NOL10: variants seen among roughly 807,000 people sequenced by gnomAD.
NOL10 encodes the protein H_NH0074G24.1.
A neutral mutation model predicts 103.5 loss-of-function variants in NOL10; 58 were observed. The ratio of observed to expected loss-of-function variants is 0.56; its 90% CI spans 0.45 to 0.70. The LOEUF is 0.70. Among genes scored for constraint, NOL10 ranks in the 30% least tolerant of loss-of-function variants. The pLI, the probability that NOL10 is intolerant of heterozygous loss-of-function variation, is 0.00. For synonymous variants in NOL10, 287 were observed against 282.5 expected (o/e 1.02, Z -0.16); for missense variants, 763 against 807.3 (o/e 0.95, Z 0.67).
intron 1 of NOL10, among the ~76,000 whole-genome samples, chr2:10,686,160 G>A (rs934505189): frequency 1.3e-5 from 2 of 152,192 alleles, no homozygotes; most frequent in Non-Finnish European, 2.9e-5. Context: ...CAATTAGAAT[G>A]TCAGATGGTT....
intron 8 of NOL10, among the ~76,000 whole-genome samples, chr2:10,663,366 CAA>C (rs35569218): frequency 2.4e-5 from 3 of 125,484 alleles, no homozygotes; most frequent in Non-Finnish European, 3.4e-5. Context: ...GACTTCGTCT[CAA>C]AAAAAAAAAA....
chr2:10,634,562 G>C (rs1485238959), intron 13 of NOL10: 1 of 456,740 alleles, frequency 2.2e-6, no homozygotes, highest in Non-Finnish European at 4.4e-6. Flanking sequence ...GGGAAGGCTG[G>C]AGAGGGAAAA....
At chr2:10,675,665 G>A (rs553946842) in intron 4 of NOL10, 129 bp downstream of exon 4, 15 of 566,508 alleles carry the variant, frequency 2.6e-5, no homozygotes, top group East Asian at 8.7e-5. Flanking sequence ...TTAAGCCATC[G>A]GGATTGTAGT....
At chr2:10,580,739 G>A (rs931542015) in intron 19 of NOL10, among the ~76,000 whole-genome samples, 8 of 152,138 alleles carry the variant, frequency 5.3e-5, no homozygotes, top group Non-Finnish European at 5.9e-5. Context: ...ACGAACACAC[G>A]CGCACACACA....
At position 10,685,488 on chromosome 2, in the gene NOL10, TCCCCC is replaced by T. The variant is rs56198509; in HGVS notation, c.67-881_67-877del. Among the ~76,000 whole-genome samples, 34 of 8,384 alleles carry T rather than the reference TCCCCC, an allele frequency of 4.1e-3. 1 individual carries two copies. Among genetic ancestry groups the T allele is most frequent in the Admixed American group, 8.9e-3 (7 of 786 alleles). 5.5% of individuals were successfully genotyped at this position (8,384 alleles called of 152,430 possible). A position where few individuals can be genotyped will look rare whatever the true frequency, so the allele number is the denominator to read the frequency against. ...GGCCTGGTGACTGAGAGAGACTCCG[TCCCCC>T]CCCCCCCCCCCCCCGCCAAAAAAAA... On this transcript the variant is annotated intron_variant, in intron 1 of 20. Transcript: ENST00000381685.
chr2:10,623,998 C>G (rs928131144), intron 13 of NOL10, among the ~76,000 whole-genome samples: 17 of 152,130 alleles, frequency 1.1e-4, no homozygotes, highest in Admixed American at 4.6e-4. Context: ...TTGGGGACTT[C>G]CCTTTGCCAT....
intron 1 of NOL10, 79 bp downstream of exon 1, chr2:10,689,717 G>A: frequency 1.4e-6 from 2 of 1,396,574 alleles, no homozygotes; most frequent in African/African-American, 1.4e-5. Context: ...AGAGGCTAGG[G>A]CCGAGGAGAG....
At chr2:10,661,469 T>C (rs1315018426) in intron 9 of NOL10, among the ~76,000 whole-genome samples, 1 of 151,936 alleles carries the variant, frequency 6.6e-6, no homozygotes, top group Non-Finnish European at 1.5e-5. Context: ...CCTCCCGGGT[T>C]CAGGCGATTC....
At chr2:10,655,690 C>G (rs1679800765) in intron 11 of NOL10, among the ~76,000 whole-genome samples, 1 of 152,072 alleles carries the variant, frequency 6.6e-6, no homozygotes, top group Non-Finnish European at 1.5e-5. Context: ...AAAAAAAATG[C>G]CAAAATAAAA....
intron 13 of NOL10, among the ~76,000 whole-genome samples, chr2:10,614,298 G>C (rs1035894589): frequency 1.3e-5 from 2 of 151,916 alleles, no homozygotes; most frequent in Non-Finnish European, 2.9e-5. Flanking sequence ...CCAGAAATCT[G>C]TTACCCTTAC....
intron 1 of NOL10, among the ~76,000 whole-genome samples, chr2:10,685,501 C>CGA (rs1682114592): frequency 6.4e-5 from 1 of 15,586 alleles, no homozygotes; most frequent in African/African-American, 1.9e-4. Context: ...CCCCCCCCCC[C>CGA]CCCCCCGCCA....
chr2:10,619,595 A>G (rs980442909), intron 13 of NOL10, among the ~76,000 whole-genome samples: 3 of 152,216 alleles, frequency 2.0e-5, no homozygotes, highest in Admixed American at 6.5e-5. Flanking sequence ...AAAGCTTTAC[A>G]TATCTGTCTG....
Position 10,672,356 on chromosome 2 carries a change from A to C in NOL10, c.328-666T>G, listed in dbSNP as rs555034055. On this transcript the variant is annotated intron_variant, in intron 5 of 20. Transcript: ENST00000381685. ...AAAATAAAAAACAAAAAATAATAAT[A>C]ATCCCACCATTATCACACAAGTTAT... Among the ~76,000 whole-genome samples, 14 of 152,194 alleles carry C rather than the reference A, an allele frequency of 9.2e-5. No individual in the cohort carries two copies. In the South Asian group the frequency reaches 2.7e-3, roughly 29 times the overall value.
Position 10,683,724 on chromosome 2 carries a change from G to A in NOL10, c.112+843C>T, listed in dbSNP as rs116616021. 3.9e-3 allele frequency among the ~76,000 whole-genome samples: 587 copies of A among 152,252 alleles called. 4 individuals are homozygous for A. Among genetic ancestry groups the A allele is most frequent in the African/African-American group, 0.013 (551 of 41,550 alleles). On this transcript the variant is annotated intron_variant, in intron 2 of 20. Transcript: ENST00000381685. ...CCAAGCTGTGTTGCTCGGCCACAACGCAAATCCACTGTGTGCCAAGCATCC... is the reference window on the plus strand; with the variant it reads ...CCAAGCTGTGTTGCTCGGCCACAACACAAATCCACTGTGTGCCAAGCATCC...
chr2:10,677,744 A>AGCCACCGCACCCAGC (rs1681413915), intron 3 of NOL10, among the ~76,000 whole-genome samples: 2 of 152,092 alleles, frequency 1.3e-5, no homozygotes, highest in African/African-American at 4.8e-5. Context: ...AAGTGCTGGA[A>AGCCACCGCACCCAGC]TTACAGGCGT....
intron 19 of NOL10, among the ~76,000 whole-genome samples, chr2:10,580,538 C>G (rs10182589): frequency 6.6e-6 from 1 of 151,912 alleles, no homozygotes; most frequent in South Asian, 2.1e-4. Flanking sequence ...AAAATAGATA[C>G]AGGCTTTACA....
chr2:10,618,316 T>C (rs1676946762), intron 13 of NOL10, among the ~76,000 whole-genome samples: 1 of 152,162 alleles, frequency 6.6e-6, no homozygotes, highest in South Asian at 2.1e-4. Context: ...CCACCTTCAC[T>C]GACTTTCAGG....
chr2:10,685,245 G>A (rs908570470), intron 1 of NOL10, among the ~76,000 whole-genome samples: 2 of 152,138 alleles, frequency 1.3e-5, no homozygotes, highest in African/African-American at 4.8e-5. Flanking sequence ...ACTTGGCCAG[G>A]CATGGTGGCT....
At chr2:10,613,064 G>A (rs1340286954) in intron 13 of NOL10, among the ~76,000 whole-genome samples, 1 of 150,738 alleles carries the variant, frequency 6.6e-6, no homozygotes, top group Non-Finnish European at 1.5e-5. Flanking sequence ...AGAATCACAT[G>A]GAAAAAGGAC....
Sources: allele counts gnomAD v4.1 joint callset (sites outside exome capture counted in the v4.1 genomes callset), GRCh38; gene constraint gnomAD v4.1.1; transcripts MANE v1.5; gene names NCBI Gene and HGNC (gene_info 2026-07-23, HGNC 2026-07-21).